The following UAP1 variants were observed in gnomAD, a reference collection of about 807,000 sequenced individuals.
The protein encoded by UAP1 is UDP-N-acetylhexosamine pyrophosphorylase.
A neutral mutation model predicts 58.5 loss-of-function variants in UAP1; 25 were observed. The ratio of observed to expected loss-of-function variants is 0.43; its 90% CI spans 0.31 to 0.60. The LOEUF (loss-of-function observed/expected upper bound fraction) is 0.60. UAP1 is among the 20% of genes least tolerant of loss of function. The probability of loss-of-function intolerance (pLI) is 0.11; values close to 1 mark genes in which losing one functional copy is unlikely to be tolerated. For synonymous variants in UAP1, 208 were observed against 213.0 expected (o/e 0.98, Z 0.21); for missense variants, 575 against 630.0 (o/e 0.91, Z 0.93).
At chr1:162,597,801 T>C (rs1483414655) in exon 10 of UAP1, 2 of 1,613,300 alleles carry the variant, frequency 1.2e-6, no homozygotes, top group Admixed American at 3.3e-5. Flanking sequence ...GCTTGAAGGA[T>C]GCCAATGATG....
intron 7 of UAP1, among the ~76,000 whole-genome samples, chr1:162,589,473 TAA>T (rs944278990): frequency 1.3e-5 from 2 of 150,870 alleles, no homozygotes; most frequent in Admixed American, 6.7e-5. Context: ...GTAAAGTTGT[TAA>T]AGTCATTTAT....
chr1:162,588,645 AT>A, intron 6 of UAP1, 47 bp from the exon 7 acceptor site: 1 of 1,569,960 alleles, frequency 6.4e-7, no homozygotes. Flanking sequence ...ATTTTCTGGC[AT>A]TTTAAATCTG....
chr1:162,569,973 C>T (rs1402017993), intron 2 of UAP1, among the ~76,000 whole-genome samples: 1 of 151,998 alleles, frequency 6.6e-6, no homozygotes, highest in East Asian at 1.9e-4. Context: ...CACGATGAAA[C>T]CCCGTCTGTA....
exon 5 of UAP1, chr1:162,581,429 C>T: frequency 6.2e-7 from 1 of 1,613,938 alleles, no homozygotes; most frequent in Non-Finnish European, 8.5e-7. Flanking sequence ...TTGGATTTTG[C>T]ATTCAGAAAG....
At chr1:162,567,602 G>A (rs6427683) in intron 2 of UAP1, among the ~76,000 whole-genome samples, 113,327 of 152,092 alleles carry the variant, frequency 0.75, 42,531 homozygotes, top group Admixed American at 0.82. Flanking sequence ...GTGTTGGTAC[G>A]TGATCCTTGT....
intron 5 of UAP1, among the ~76,000 whole-genome samples, chr1:162,585,355 T>C (rs930071796): frequency 6.6e-6 from 1 of 152,152 alleles, no homozygotes; most frequent in Admixed American, 6.5e-5. Flanking sequence ...CCTCCCAGGT[T>C]CAAGTGATTC....
intron 1 of UAP1, among the ~76,000 whole-genome samples, chr1:162,563,058 C>T (rs1275557284): frequency 6.6e-6 from 1 of 152,136 alleles, no homozygotes; most frequent in East Asian, 1.9e-4. Context: ...CATAATTTCT[C>T]GAGCAGATTT....
At chr1:162,569,521 A>G (rs1653724401) in intron 2 of UAP1, among the ~76,000 whole-genome samples, 1 of 152,240 alleles carries the variant, frequency 6.6e-6, no homozygotes, top group Admixed American at 6.5e-5. Context: ...GAGATCTTGA[A>G]AGAGAAGTAA....
intron 5 of UAP1, among the ~76,000 whole-genome samples, chr1:162,583,105 T>TAGCTG (rs1163704815): frequency 6.6e-6 from 1 of 150,778 alleles, no homozygotes; most frequent in Admixed American, 6.6e-5. Flanking sequence ...CCCTCCCCAG[T>TAGCTG]AGCTGGGATT....
chr1:162,582,056 T>A (rs1019613640), intron 5 of UAP1, among the ~76,000 whole-genome samples: 1 of 152,196 alleles, frequency 6.6e-6, no homozygotes, highest in African/African-American at 2.4e-5. Context: ...GGTGATGGCA[T>A]GTCTTTATGG....
downstream of UAP1, among the ~76,000 whole-genome samples, chr1:162,600,473 TA>T (rs1655862058): frequency 6.6e-6 from 1 of 152,180 alleles, no homozygotes; most frequent in South Asian, 2.1e-4. Flanking sequence ...CTGAGCTTTA[TA>T]AATGCATCTT....
intron 2 of UAP1, among the ~76,000 whole-genome samples, chr1:162,567,725 A>G (rs902668872): frequency 6.6e-6 from 1 of 152,220 alleles, no homozygotes; most frequent in African/African-American, 2.4e-5. Flanking sequence ...CAGATTGCCC[A>G]TAATCTCATC....
At chr1:162,569,391 A>T (rs1000388436) in intron 2 of UAP1, among the ~76,000 whole-genome samples, 11 of 152,238 alleles carry the variant, frequency 7.2e-5, no homozygotes, top group Admixed American at 1.3e-4. Flanking sequence ...AAGGTCGAAT[A>T]TAAGTGACCA....
intron 7 of UAP1, among the ~76,000 whole-genome samples, chr1:162,589,183 TAATATATATTATATATTATATTTAAA>T (rs1557977556): frequency 0.013 from 1,182 of 90,732 alleles, 30 homozygotes; most frequent in African/African-American, 0.046. Context: ...ATATTATATA[TAATATATATTATATATTATATTTAAA>T]TATATATAAT....
At chr1:162,587,176 G>A (rs1654947881) in intron 5 of UAP1, among the ~76,000 whole-genome samples, 1 of 152,102 alleles carries the variant, frequency 6.6e-6, no homozygotes, top group Admixed American at 6.6e-5. Context: ...GACTCCTGAT[G>A]TAATTATTCC....
chr1:162,571,003 A>G (rs1257123173), intron 2 of UAP1, among the ~76,000 whole-genome samples: 1 of 152,106 alleles, frequency 6.6e-6, no homozygotes, highest in East Asian at 1.9e-4. Flanking sequence ...ATGTTATCAG[A>G]AAAAGTGCTT....
intron 3 of UAP1, among the ~76,000 whole-genome samples, chr1:162,577,434 C>CTTTTTTTTTTTTTTTTT (rs1557970274): frequency 2.2e-5 from 3 of 138,150 alleles, no homozygotes; most frequent in African/African-American, 8.6e-5. Context: ...TAGTTCCTTC[C>CTTTTTTTTTTTTTTTTT]CTTTTTTTTT....
exon 7 of UAP1, chr1:162,588,785 A>G (rs763056802): frequency 4.3e-6 from 7 of 1,612,226 alleles, no homozygotes; most frequent in African/African-American, 1.3e-5. Flanking sequence ...GACAAACCCA[A>G]TGGAATAAAG....
intron 2 of UAP1, among the ~76,000 whole-genome samples, chr1:162,569,664 A>G (rs1337115388): frequency 1.3e-5 from 2 of 152,226 alleles, no homozygotes; most frequent in Non-Finnish European, 1.5e-5. Context: ...ATATTACAAT[A>G]TCTAATTAGT....
Sources: allele counts gnomAD v4.1 joint callset (sites outside exome capture counted in the v4.1 genomes callset), GRCh38; gene constraint gnomAD v4.1.1; transcripts MANE v1.5; gene names NCBI Gene and HGNC (gene_info 2026-07-23, HGNC 2026-07-21).